The following ZNF589 variants were observed in gnomAD, a reference collection of about 807,000 sequenced individuals.
ZNF589 encodes the protein KRAB-zinc finger protein SZF1-1.
In ZNF589, 17 loss-of-function variants were observed where a neutral mutation model predicts 13.6. The ratio of observed to expected loss-of-function variants is 1.25; its 90% CI spans 0.86 to 1.88. The LOEUF (loss-of-function observed/expected upper bound fraction) is 1.88, where lower values mean the gene tolerates loss of function less well. Ranked by LOEUF, ZNF589 falls within the 40% of genes most tolerant of loss-of-function variation. The pLI, the probability that ZNF589 is intolerant of heterozygous loss-of-function variation, is 0.00. For missense variants in ZNF589, 407 were observed against 434.0 expected (o/e 0.94, Z 0.55); for synonymous variants, 148 against 161.6 (o/e 0.92, Z 0.64).
At chr3:48,255,070 ATC>A (rs1340892934) in intron 2 of ZNF589, among the ~76,000 whole-genome samples, 1 of 152,126 alleles carries the variant, frequency 6.6e-6, no homozygotes, top group Non-Finnish European at 1.5e-5. Context: ...TAGGAAAAAC[ATC>A]TAGTTTCTTG....
rs895835397 is a variant in ZNF589, at chr3:48,241,113, A to G, written c.-59A>G. ...GCCAGTGGCCCGCGGTGCGCATTCT[A>G]ATCCGTTTCACACACGGTGCTGCTA... is the stretch of plus-strand genomic sequence containing the variant. On this transcript the variant is annotated 5_prime_UTR_variant, in exon 1 of 4. Transcript: ENST00000354698. 4 of 1,608,724 alleles carry G rather than the reference A, an allele frequency of 2.5e-6. No homozygotes were observed. Among genetic ancestry groups the G allele is most frequent in the Non-Finnish European group, 3.4e-6 (4 of 1,176,016 alleles).
intron 2 of ZNF589, among the ~76,000 whole-genome samples, chr3:48,254,665 T>C (rs1403649503): frequency 6.6e-6 from 1 of 152,218 alleles, no homozygotes; most frequent in African/African-American, 2.4e-5. Flanking sequence ...GTTTTTCACA[T>C]GTAGACTATG....
At chr3:48,261,091 A>G (rs2106844699) in intron 3 of ZNF589, 152 bp downstream of exon 3, 3 of 848,344 alleles carry the variant, frequency 3.5e-6, no homozygotes, top group East Asian at 2.7e-5. Context: ...TAGTATAGGT[A>G]GACTGACAAT....
intron 2 of ZNF589, chr3:48,256,632 T>C: frequency 1.1e-6 from 1 of 946,858 alleles, no homozygotes; most frequent in Non-Finnish European, 1.7e-6. Flanking sequence ...CCTGTGATCT[T>C]TCGGGGCAGC....
At chr3:48,241,618 G>C (rs2033699753) in intron 1 of ZNF589, among the ~76,000 whole-genome samples, 1 of 151,970 alleles carries the variant, frequency 6.6e-6, no homozygotes, top group Non-Finnish European at 1.5e-5. Context: ...TGCAATCTCC[G>C]TCTCCCGGGT....
chr3:48,256,173 TG>T (rs1471011123), intron 2 of ZNF589, among the ~76,000 whole-genome samples: 2 of 152,170 alleles, frequency 1.3e-5, no homozygotes, highest in Non-Finnish European at 1.5e-5. Context: ...GCATTGCTAC[TG>T]GGGAGGCCAA....
At chr3:48,256,310 G>A (rs370984351) in intron 2 of ZNF589, 14 of 472,420 alleles carry the variant, frequency 3.0e-5, no homozygotes, top group East Asian at 2.2e-4. Flanking sequence ...ACTCCACAGC[G>A]CAGGTGCAGG....
At chr3:48,256,646 C>A in intron 2 of ZNF589, 1 of 1,052,212 alleles carries the variant, frequency 9.5e-7, no homozygotes, top group Non-Finnish European at 1.5e-6. Flanking sequence ...GGGCAGCATG[C>A]CTCCATGGGG....
At chr3:48,263,132 G>T (rs193216887) in intron 3 of ZNF589, among the ~76,000 whole-genome samples, 1 of 150,014 alleles carries the variant, frequency 6.7e-6, no homozygotes, top group East Asian at 2.0e-4. Context: ...TTTTTGAGAC[G>T]GAGTTTTGCT....
intron 2 of ZNF589, among the ~76,000 whole-genome samples, chr3:48,251,645 A>T (rs1312583441): frequency 6.6e-6 from 1 of 151,396 alleles, no homozygotes; most frequent in Non-Finnish European, 1.5e-5. Context: ...TGAGATAGGG[A>T]TTGGCGTTCT....
chr3:48,269,396 TC>T lies in ZNF589; in HGVS notation c.*611del. On this transcript the variant is annotated 3_prime_UTR_variant, in exon 4 of 4. Transcript: ENST00000354698. ...GTGTGGGCGAGGCTTTTGTGATAAA[TC>T]AACTCTCCTCGCACACGAGCAGACA... 1 of 544,552 alleles carries T rather than the reference TC, an allele frequency of 1.8e-6. No individual in the cohort carries two copies. The highest frequency in any genetic ancestry group is 3.1e-6 in the Non-Finnish European group (1 of 323,132). The allele number at this position is 544,552 out of a possible 1,614,324, so 33.7% of individuals were successfully genotyped here.
intron 2 of ZNF589, among the ~76,000 whole-genome samples, chr3:48,250,306 CTTTTTT>C (rs34016179): frequency 8.6e-6 from 1 of 116,858 alleles, no homozygotes; most frequent in African/African-American, 3.2e-5. Context: ...TCTCTACTTT[CTTTTTT>C]TTTTTTTTTT....
chr3:48,268,754 AC>A lies in ZNF589; in HGVS notation c.1064del (p.Thr355ArgfsTer16). 6.2e-7 allele frequency: 1 copy of A among 1,613,248 alleles called. No homozygotes were observed. The highest frequency in any genetic ancestry group is 8.5e-7 in the Non-Finnish European group (1 of 1,179,678). On this transcript the variant is annotated frameshift_variant, in exon 4 of 4. Transcript: ENST00000354698. LOFTEE classifies it low-confidence loss of function (END_TRUNC). Reference sequence around the variant, plus strand: ...GCTCATTAAGCACCAGAGAATTCACACGGGGGATAAGCCTTATGTGTGCAGA... The same window carrying A: ...GCTCATTAAGCACCAGAGAATTCACAGGGGGATAAGCCTTATGTGTGCAGA... ...SELIKHQRIH[T>X]GDKPYVCRD
intron 2 of ZNF589, among the ~76,000 whole-genome samples, chr3:48,248,133 T>C (rs1364441967): frequency 6.6e-6 from 1 of 152,204 alleles, no homozygotes; most frequent in African/African-American, 2.4e-5. Flanking sequence ...TCAGCAGTTA[T>C]CAACTCATGG....
intron 3 of ZNF589, 43 bp from the exon 4 acceptor site, chr3:48,267,872 G>T: frequency 6.5e-7 from 1 of 1,544,876 alleles, no homozygotes; most frequent in Non-Finnish European, 8.7e-7. Context: ...AGCCCAGTCA[G>T]CCCTTCCTAT....
At chr3:48,241,429 G>C (rs1433471337) in intron 1 of ZNF589, among the ~76,000 whole-genome samples, 2 of 152,260 alleles carry the variant, frequency 1.3e-5, no homozygotes, top group Non-Finnish European at 2.9e-5. Flanking sequence ...TCTTCACCGG[G>C]CATCCTGCAC....
chr3:48,265,271 C>CTTTT (rs35060812), intron 3 of ZNF589, among the ~76,000 whole-genome samples: 6 of 47,884 alleles, frequency 1.3e-4, no homozygotes, highest in African/African-American at 1.6e-4. Context: ...TGTGCCCGGC[C>CTTTT]TTTTTTTTTT....
In ZNF589 at chr3:48,270,179, T is replaced by C. The variant is rs953056664; in HGVS notation, c.*1393T>C. 2 of 457,078 alleles carry C rather than the reference T, an allele frequency of 4.4e-6. No individual in the cohort carries two copies. The highest frequency in any genetic ancestry group is 4.0e-5 in the African/African-American group (2 of 50,078). 28.3% of individuals were successfully genotyped at this position (457,078 alleles called of 1,614,324 possible). A position where few individuals can be genotyped will look rare whatever the true frequency, so the allele number is the denominator to read the frequency against. ...TTGCTGTTTCCTCTCCTACCCCACCTTTAGATTTTACTCAGAGTTCAGTCT... is the reference window on the plus strand; with the variant it reads ...TTGCTGTTTCCTCTCCTACCCCACCCTTAGATTTTACTCAGAGTTCAGTCT... On this transcript the variant is annotated 3_prime_UTR_variant, in exon 4 of 4. Transcript: ENST00000354698.
In ZNF589 at chr3:48,270,222, G is replaced by A. The variant is rs1289586922; in HGVS notation, c.*1436G>A. ...TTCAGTCTCCAGCCCTACAATCTGA[G>A]GGACACCTTTACCAGGTCCCCTTCC... On this transcript the variant is annotated 3_prime_UTR_variant, in exon 4 of 4. Transcript: ENST00000354698. The A allele has an allele frequency of 1.1e-5, 5 of 457,200 alleles. No homozygotes were observed. Among genetic ancestry groups the A allele is most frequent in the African/African-American group, 1.0e-4 (5 of 50,154 alleles). The allele number at this position is 457,200 out of a possible 1,614,324, so 28.3% of individuals were successfully genotyped here. A position where few individuals can be genotyped will look rare whatever the true frequency, so the allele number is the denominator to read the frequency against.
Sources: gnomAD v4.1 joint callset for allele counts (sites outside exome capture counted in the v4.1 genomes callset) on GRCh38, gnomAD v4.1.1 for gene constraint, MANE v1.5 for transcripts, NCBI Gene and HGNC (gene_info 2026-07-23, HGNC 2026-07-21) for gene names.